ODF1: variants seen among roughly 807,000 people sequenced by gnomAD.
ODF1 encodes the protein outer dense fiber of sperm tails 1.
ODF1 carries 10 observed loss-of-function variants against 24.0 expected under a neutral mutation model. The ratio of observed to expected loss-of-function variants is 0.42; its 90% confidence interval spans 0.26 to 0.71. ODF1 has a LOEUF of 0.71. ODF1 is among the 30% of genes least tolerant of loss of function. The pLI is 0.28. For synonymous variants in ODF1, 118 were observed against 121.3 expected (o/e 0.97, Z 0.18); for missense variants, 282 against 307.9 (o/e 0.92, Z 0.63).
At position 102,551,814 on chromosome 8, in the gene ODF1, C is replaced by A. The variant is rs369351331; in HGVS notation, c.87C>A (p.Asp29Glu). 16 of 1,614,140 alleles carry A rather than the reference C, an allele frequency of 9.9e-6. No individual in the cohort carries two copies. The East Asian group carries it at 1.8e-4, about 18-fold the overall frequency. Residue 29 changes from aspartate (D) to glutamate (E), a missense_variant, in exon 1 of 2, where the codon GAC (aspartate) becomes GAA (glutamate). Coordinates refer to ENST00000285402, the MANE Select transcript of ODF1 (RefSeq NM_024410.4). ...DRELRQLRCI[D>E]EFSTRCLCDL... ...AACTAAGGCAACTGAGATGCATCGA[C>A]GAATTTAGCACACGGTGCCTGTGCG... is the stretch of plus-strand genomic sequence containing the variant.
intron 1 of ODF1, among the ~76,000 whole-genome samples, chr8:102,556,303 C>T (rs1826110477): frequency 6.6e-6 from 1 of 152,186 alleles, no homozygotes; most frequent in South Asian, 2.1e-4. Flanking sequence ...GCCCCTGAAG[C>T]TGATTAGTAG....
At chr8:102,555,733 G>A (rs377571996) in intron 1 of ODF1, among the ~76,000 whole-genome samples, 113 of 152,284 alleles carry the variant, frequency 7.4e-4, no homozygotes, top group Non-Finnish European at 6.0e-4. Flanking sequence ...CCCAGAGGTC[G>A]GAGTATAAGT....
intron 1 of ODF1, among the ~76,000 whole-genome samples, chr8:102,554,930 C>G (rs918087718): frequency 2.0e-5 from 3 of 152,088 alleles, no homozygotes; most frequent in African/African-American, 7.2e-5. Context: ...TACACTCCAG[C>G]CTGGACAATA....
chr8:102,558,706 G>GCATTTGTGTAAAGTTTATTTTCAC (rs1563939989), intron 1 of ODF1, among the ~76,000 whole-genome samples: 1 of 146,976 alleles, frequency 6.8e-6, no homozygotes, highest in African/African-American at 2.7e-5. Flanking sequence ...GATTTCATAA[G>GCATTTGTGTAAAGTTTATTTTCAC]AACACATACA....
chr8:102,552,045 C>T lies in ODF1; in HGVS notation c.318C>T (p.Ala106=). ...TAGAAGATGAGAAGCGAGAGCTTGC[C>T]AAGTAAAATAACTTATTTTTAAATT... ...RAIEDEKREL[A]KLRRTTNRIL... Residue 106 remains alanine, a splice_region_variant and synonymous_variant, in exon 1 of 2, where the codon GCC becomes GCT. Coordinates refer to ENST00000285402, the MANE Select transcript of ODF1 (RefSeq NM_024410.4). The T allele has an allele frequency of 1.3e-6, 2 of 1,570,716 alleles. No individual in the cohort carries two copies. The highest frequency in any genetic ancestry group is 1.7e-6 in the Non-Finnish European group (2 of 1,156,124).
chr8:102,555,687 C>T (rs961525891), intron 1 of ODF1, among the ~76,000 whole-genome samples: 1 of 152,186 alleles, frequency 6.6e-6, no homozygotes. Flanking sequence ...GGTCTAAGCC[C>T]TCAGAGAAAA....
At position 102,556,685 on chromosome 8, in the gene ODF1, G is replaced by A. The variant is rs571426627; in HGVS notation, c.321-3767G>A. 3.3e-5 allele frequency among the ~76,000 whole-genome samples: 5 copies of A among 152,264 alleles called. No homozygotes were observed. The South Asian group carries it at 1.0e-3, about 32-fold the overall frequency. On this transcript the variant is annotated intron_variant, in intron 1 of 1. Transcript: ENST00000285402. ...CCTGTGCCATGCTGCCTGGCTCCCTGCTGAGTGACATTGTCCTCAGTATCA... is the reference window on the plus strand; with the variant it reads ...CCTGTGCCATGCTGCCTGGCTCCCTACTGAGTGACATTGTCCTCAGTATCA...
At chr8:102,556,634 C>T (rs556743423) in intron 1 of ODF1, among the ~76,000 whole-genome samples, 14 of 152,234 alleles carry the variant, frequency 9.2e-5, no homozygotes, top group South Asian at 2.1e-4. Flanking sequence ...TGTGTTTTAA[C>T]AAACCCTGCA....
chr8:102,559,205 C>T lies in ODF1; in HGVS notation c.321-1247C>T, dbSNP rs546827630. 1.8e-4 allele frequency among the ~76,000 whole-genome samples: 27 copies of T among 151,320 alleles called. 1 individual carries two copies. The South Asian group carries it at 3.3e-3, about 19-fold the overall frequency. On this transcript the variant is annotated intron_variant, in intron 1 of 1. Transcript: ENST00000285402. The stretch of plus-strand genomic sequence containing the variant: ...TTTACAGATGAGGAAACTGAGGCAC[C>T]GAGAAGTAAGTTATCCACATGTTAG...
chr8:102,555,428 G>A (rs1186229141), intron 1 of ODF1, among the ~76,000 whole-genome samples: 5 of 152,168 alleles, frequency 3.3e-5, no homozygotes, highest in African/African-American at 1.2e-4. Flanking sequence ...ACCTAGAAAC[G>A]AATCCTGAGA....
intron 1 of ODF1, among the ~76,000 whole-genome samples, chr8:102,552,386 T>G (rs1826052525): frequency 6.6e-6 from 1 of 152,104 alleles, no homozygotes; most frequent in South Asian, 2.1e-4. Context: ...TTTTTCCTGG[T>G]TATGAGTAAA....
At chr8:102,555,168 T>C (rs1384008917) in intron 1 of ODF1, among the ~76,000 whole-genome samples, 1 of 152,138 alleles carries the variant, frequency 6.6e-6, no homozygotes, top group East Asian at 1.9e-4. Flanking sequence ...TTAGAGGGGC[T>C]GAGGGGACTG....
chr8:102,560,240 A>G (rs1184510269), intron 1 of ODF1, among the ~76,000 whole-genome samples: 1 of 152,142 alleles, frequency 6.6e-6, no homozygotes, highest in Non-Finnish European at 1.5e-5. Context: ...GCACGCATTC[A>G]TTGTTAACAG....
At chr8:102,553,161 G>T (rs1826067181) in intron 1 of ODF1, among the ~76,000 whole-genome samples, 1 of 145,750 alleles carries the variant, frequency 6.9e-6, no homozygotes. Flanking sequence ...TCAAGAGTTC[G>T]AGACCAGCCT....
chr8:102,554,844 G>A (rs1048990783), intron 1 of ODF1, among the ~76,000 whole-genome samples: 12 of 152,094 alleles, frequency 7.9e-5, no homozygotes, highest in East Asian at 1.9e-4. Flanking sequence ...TGTGGTCCCA[G>A]GTACTCAGGA....
At chr8:102,554,577 T>G (rs966225999) in intron 1 of ODF1, among the ~76,000 whole-genome samples, 5 of 152,236 alleles carry the variant, frequency 3.3e-5, no homozygotes, top group African/African-American at 4.8e-5. Flanking sequence ...TCTTAATTGA[T>G]CCCACAGGTT....
intron 1 of ODF1, among the ~76,000 whole-genome samples, chr8:102,554,899 G>A (rs1410214415): frequency 2.0e-5 from 3 of 152,072 alleles, no homozygotes; most frequent in African/African-American, 7.2e-5. Context: ...TCAGGACTGC[G>A]GTAAGCCATG....
In ODF1 at chr8:102,557,580, G is replaced by T. The variant is rs898303864; in HGVS notation, c.321-2872G>T. ...CCTGGGACCCAGGTTACTTAGAGAT[G>T]AATCTGGGCGCTGACTTGGGCTTAT... On this transcript the variant is annotated intron_variant, in intron 1 of 1. Coordinates refer to ENST00000285402, the MANE Select transcript of ODF1 (RefSeq NM_024410.4). 2.6e-5 allele frequency among the ~76,000 whole-genome samples: 4 copies of T among 152,208 alleles called. 1 individual carries two copies. The highest frequency in any genetic ancestry group is 5.9e-5 in the Non-Finnish European group (4 of 68,036).
chr8:102,551,995 T>G lies in ODF1; in HGVS notation c.268T>G (p.Leu90Val), dbSNP rs1276897238. Residue 90 changes from leucine (L) to valine (V), a missense_variant, in exon 1 of 2, where the codon TTG becomes GTG. Transcript: ENST00000285402. ...LYCLRPSLRS[L>V]ERKAIRAIED... is the part of the protein sequence containing the mutation. ...CTGTCTGCGACCATCTCTCAGAAGT[T>G]TGGAGAGGAAAGCCATCAGAGCCAT... is the stretch of plus-strand genomic sequence containing the variant. 4 of 1,611,876 alleles carry G rather than the reference T, an allele frequency of 2.5e-6. No individual in the cohort carries two copies. Among genetic ancestry groups the G allele is most frequent in the Non-Finnish European group, 3.4e-6 (4 of 1,178,256 alleles).
Sources: gnomAD v4.1 joint callset for allele counts (sites outside exome capture counted in the v4.1 genomes callset) on GRCh38, gnomAD v4.1.1 for gene constraint, MANE v1.5 for transcripts, NCBI Gene and HGNC (gene_info 2026-07-23, HGNC 2026-07-21) for gene names.